Variants in PDLIM5 observed in about 807,000 individuals in gnomAD.
PDLIM5 encodes the protein PDZ and LIM domain 5.
Under a neutral mutation model 64.2 loss-of-function variants are expected in PDLIM5, and 34 were observed. The ratio of observed to expected loss-of-function variants is 0.53; its 90% CI spans 0.40 to 0.71. The LOEUF is 0.71. Among genes scored for constraint, PDLIM5 ranks in the 30% least tolerant of loss-of-function variants. The pLI is 0.00. For synonymous variants in PDLIM5, 253 were observed against 269.1 expected, an observed-to-expected ratio of 0.94 and a Z score of 0.59; for missense variants, 683 against 733.6, an observed-to-expected ratio of 0.93 and a Z score of 0.80.
At chr4:94,574,373 CTG>C (rs1262463348) in intron 4 of PDLIM5, among the ~76,000 whole-genome samples, 1 of 151,778 alleles carries the variant, frequency 6.6e-6, no homozygotes, top group East Asian at 1.9e-4. Context: ...TGTCACGCAT[CTG>C]TAGTCCCAGC....
At chr4:94,657,337 AC>A (rs1742288874) in intron 10 of PDLIM5, 89 bp from the exon 11 acceptor site, 1 of 902,238 alleles carries the variant, frequency 1.1e-6, no homozygotes, top group Non-Finnish European at 1.7e-6. Context: ...GATTAGCTCT[AC>A]AGGGATTTAC....
rs186454539 is a variant in PDLIM5 at position 94,529,762 on chromosome 4, A to G, written c.248+5887A>G. On this transcript the variant is annotated intron_variant, in intron 3 of 12. Transcript: ENST00000317968. ...TTTATCGTTGAAAAAATTGGAAAAAACATATTTTTTTCCTGGCCGTGAAAC... is the reference window on the plus strand; with the variant it reads ...TTTATCGTTGAAAAAATTGGAAAAAGCATATTTTTTTCCTGGCCGTGAAAC... Among the ~76,000 whole-genome samples the G allele has an allele frequency of 1.2e-3, 189 of 152,284 alleles. No individual in the cohort carries two copies. The South Asian group carries it at 0.017, about 14-fold the overall frequency.
chr4:94,474,231 C>T (rs569302952), intron 2 of PDLIM5, among the ~76,000 whole-genome samples: 1 of 152,084 alleles, frequency 6.6e-6, no homozygotes, highest in Non-Finnish European at 1.5e-5. Flanking sequence ...TAAAACATTT[C>T]ATTTACATCT....
At chr4:94,514,654 G>A (rs771735144) in intron 2 of PDLIM5, among the ~76,000 whole-genome samples, 10 of 152,144 alleles carry the variant, frequency 6.6e-5, no homozygotes, top group Non-Finnish European at 1.3e-4. Flanking sequence ...CAGCAATGAA[G>A]CCATTGGGTC....
chr4:94,524,038 A>T (rs2510784), intron 3 of PDLIM5, among the ~76,000 whole-genome samples, 163 bp downstream of exon 3: 30,475 of 152,006 alleles, frequency 0.2, 3,467 homozygotes, highest in East Asian at 0.28. Context: ...GCAGCAAGAG[A>T]ATTGCTGAAA....
intron 8 of PDLIM5, among the ~76,000 whole-genome samples, chr4:94,620,396 A>G (rs1405450636): frequency 2.0e-5 from 3 of 152,078 alleles, no homozygotes; most frequent in Admixed American, 6.6e-5. Context: ...TTAGCCAGAC[A>G]TGGTGGCACA....
intron 3 of PDLIM5, among the ~76,000 whole-genome samples, chr4:94,530,220 C>T (rs1470716857): frequency 6.6e-6 from 1 of 151,994 alleles, no homozygotes; most frequent in Non-Finnish European, 1.5e-5. Flanking sequence ...AATAGTGGTT[C>T]TTGTTCTGGT....
At chr4:94,467,809 C>T (rs550689390) in intron 2 of PDLIM5, among the ~76,000 whole-genome samples, 2 of 152,154 alleles carry the variant, frequency 1.3e-5, no homozygotes, top group Non-Finnish European at 2.9e-5. Context: ...TAGTGCCCTG[C>T]ACAACAAACA....
chr4:94,661,840 T>A (rs1742745733), intron 11 of PDLIM5, among the ~76,000 whole-genome samples: 1 of 151,974 alleles, frequency 6.6e-6, no homozygotes, highest in Admixed American at 6.6e-5. Context: ...TTTTTTTCTT[T>A]AAGACAGTCT....
At chr4:94,490,653 G>A (rs1181155494) in intron 2 of PDLIM5, among the ~76,000 whole-genome samples, 1 of 152,080 alleles carries the variant, frequency 6.6e-6, no homozygotes, top group African/African-American at 2.4e-5. Context: ...TCTGATAATT[G>A]TGTAAATGTT....
At chr4:94,566,890 T>C (rs560262003) in intron 3 of PDLIM5, among the ~76,000 whole-genome samples, 1 of 152,392 alleles carries the variant, frequency 6.6e-6, no homozygotes, top group East Asian at 1.9e-4. Context: ...GTTAATTTTA[T>C]ATACATTGTT....
intron 7 of PDLIM5, among the ~76,000 whole-genome samples, chr4:94,598,623 A>G (rs562424369): frequency 2.0e-5 from 3 of 152,260 alleles, no homozygotes; most frequent in Admixed American, 6.5e-5. Flanking sequence ...ACAAATGTTT[A>G]TGAGGCACTT....
At chr4:94,579,815 A>G (rs1735594292) in intron 5 of PDLIM5, among the ~76,000 whole-genome samples, 1 of 152,172 alleles carries the variant, frequency 6.6e-6, no homozygotes, top group South Asian at 2.1e-4. Context: ...TGTAATTTAT[A>G]TCAGTCAAGA....
intron 1 of PDLIM5, among the ~76,000 whole-genome samples, chr4:94,452,197 G>A (rs1169983145): frequency 1.3e-5 from 2 of 152,186 alleles, no homozygotes; most frequent in Non-Finnish European, 2.9e-5. Flanking sequence ...AGGAGCGCCC[G>A]GAAAAGGGCA....
chr4:94,585,059 T>C, intron 5 of PDLIM5: 1 of 898,086 alleles, frequency 1.1e-6, no homozygotes, highest in Non-Finnish European at 1.7e-6. Context: ...ACATTATAAG[T>C]GCAGTTTTTT....
intron 5 of PDLIM5, chr4:94,584,890 A>G: frequency 1.3e-6 from 1 of 792,678 alleles, no homozygotes; most frequent in South Asian, 1.6e-5. Flanking sequence ...ATGGACTTTC[A>G]TTTTCTAGTT....
At chr4:94,576,922 C>T (rs1054091999) in intron 5 of PDLIM5, among the ~76,000 whole-genome samples, 7 of 151,792 alleles carry the variant, frequency 4.6e-5, no homozygotes, top group African/African-American at 1.7e-4. Context: ...ATCAGATAGT[C>T]AGAAATTTAT....
At chr4:94,564,337 G>A (rs186763270) in intron 3 of PDLIM5, among the ~76,000 whole-genome samples, 312 of 152,120 alleles carry the variant, frequency 2.1e-3, no homozygotes, top group Non-Finnish European at 3.7e-3. Context: ...TATGTGTTCT[G>A]CCCCCAGCCA....
At chr4:94,530,269 A>G (rs1730744470) in intron 3 of PDLIM5, among the ~76,000 whole-genome samples, 1 of 152,058 alleles carries the variant, frequency 6.6e-6, no homozygotes. Flanking sequence ...AGAGCTTGCT[A>G]TTAGATCAAA....
Sources: allele counts gnomAD v4.1 joint callset (sites outside exome capture counted in the v4.1 genomes callset), GRCh38; gene constraint gnomAD v4.1.1; transcripts MANE v1.5; gene names NCBI Gene and HGNC (gene_info 2026-07-23, HGNC 2026-07-21).